Variants in SELENOV observed in about 807,000 individuals in gnomAD.
The protein encoded by SELENOV is selenoprotein V.
In SELENOV, 25 loss-of-function variants were observed where a neutral mutation model predicts 21.6. The ratio of observed to expected loss-of-function variants is 1.16; its 90% CI spans 0.84 to 1.62. SELENOV has a LOEUF of 1.62. Among genes scored for constraint, SELENOV ranks in the 40% most tolerant of loss-of-function variants. The probability of loss-of-function intolerance (pLI) is 0.00; values close to 1 mark genes in which losing one functional copy is unlikely to be tolerated. For missense variants in SELENOV, 472 were observed against 459.0 expected (o/e 1.03, Z -0.26); for synonymous variants, 227 against 216.9 (o/e 1.05, Z -0.41).
exon 6 of SELENOV, chr19:39,520,484 T>G (rs188693696): frequency 4.3e-4 from 66 of 152,334 alleles, no homozygotes; most frequent in African/African-American, 1.4e-3. Flanking sequence ...CCAGATACAT[T>G]TTGAAAACCT....
rs771419379 is a variant in SELENOV, at chr19:39,515,207, G to A, written c.-6G>A. On this transcript the variant is annotated 5_prime_UTR_variant, in exon 1 of 6. Coordinates refer to ENST00000335426, the Ensembl canonical transcript of SELENOV. This position sits in a 1 kb window ranked among gnomAD's most constrained non-coding sequence, Gnocchi z 5.1. ...CAACCGGCTTGCCCCGGTCCCCCTG[G>A]GCCCCATGAATAACCAGGCGCGGAC... 1 of 1,535,168 alleles carries A rather than the reference G, an allele frequency of 6.5e-7. No homozygotes were observed. The highest frequency in any genetic ancestry group is 8.8e-7 in the Non-Finnish European group (1 of 1,134,214).
chr19:39,516,362 CATG>C (rs2079697113), intron 1 of SELENOV: 1 of 447,224 alleles, frequency 2.2e-6, no homozygotes, highest in Non-Finnish European at 4.3e-6. Flanking sequence ...AGACACCGCA[CATG>C]ATAGGGGCTC....
chr19:39,515,385 C>G lies in SELENOV; in HGVS notation c.173C>G (p.Ser58Cys). Residue 58 changes from serine (S) to cysteine (C), a missense_variant, in exon 1 of 6, where the codon TCC (serine) becomes TGC (cysteine). Ser to Cys is a moderately radical substitution (Grantham distance 112). Transcript: ENST00000335426. The surrounding 1 kb of genome is among the most constrained non-coding windows in gnomAD (Gnocchi z 5.1). ...CTGACTCCGTCTCCAGCCGGGACTTCCCCTCTGGTCCTGACTCCTGCTCCA... is the reference window on the plus strand; with the variant it reads ...CTGACTCCGTCTCCAGCCGGGACTTGCCCTCTGGTCCTGACTCCTGCTCCA... 6.4e-7 allele frequency: 1 copy of G among 1,551,596 alleles called. No homozygotes were observed.
At chr19:39,519,999 A>T (rs2079720631) in intron 5 of SELENOV, 147 bp from the exon 6 acceptor site, 1 of 152,084 alleles carries the variant, frequency 6.6e-6, no homozygotes, top group Admixed American at 6.6e-5. Flanking sequence ...AAAAGAAAAA[A>T]TAGTGAGGAA....
chr19:39,517,991 A>AAAAAAAG (rs374863818), intron 1 of SELENOV, among the ~76,000 whole-genome samples: 5 of 92,012 alleles, frequency 5.4e-5, no homozygotes, highest in Admixed American at 3.7e-4. Flanking sequence ...AAAAAAAAAA[A>AAAAAAAG]GCCCAGCGCG....
At chr19:39,517,494 G>T (rs1459609135) in intron 1 of SELENOV, among the ~76,000 whole-genome samples, 1 of 152,090 alleles carries the variant, frequency 6.6e-6, no homozygotes, top group Non-Finnish European at 1.5e-5. Flanking sequence ...TGAACAAAAG[G>T]CATTTTGGGG....
At position 39,518,987 on chromosome 19, in the gene SELENOV, A is replaced by G; in HGVS notation, c.963+10A>G. 6.2e-7 allele frequency: 1 copy of G among 1,613,634 alleles called. No homozygotes were observed. The highest frequency in any genetic ancestry group is 1.1e-5 in the South Asian group (1 of 91,068). The stretch of plus-strand genomic sequence containing the variant: ...GGTCCATTCCAAGAAGGTGATCCTG[A>G]GTAAAGGTCCGGGACAGGGAGGTGG... On this transcript the variant is annotated intron_variant, in intron 4 of 5. Coordinates refer to ENST00000335426, the Ensembl canonical transcript of SELENOV.
rs781713639 is a variant in SELENOV at position 39,515,854 on chromosome 19, C to T, written c.642C>T (p.Asp214=). Residue 214 remains aspartate (D), a synonymous_variant, in exon 1 of 6, where the codon GAC becomes GAT. Coordinates refer to ENST00000335426, the Ensembl canonical transcript of SELENOV. This position sits in a 1 kb window ranked among gnomAD's most constrained non-coding sequence, Gnocchi z 5.1. ...CCCTGGACTTCACCTTCAGGGCAGA[C>T]CCGTCGGCCATCGGGCTGGCGGATC... is the stretch of plus-strand genomic sequence containing the variant. 3.2e-6 allele frequency: 5 copies of T among 1,552,920 alleles called. No individual in the cohort carries two copies. The highest frequency in any genetic ancestry group is 1.7e-6 in the Non-Finnish European group (2 of 1,148,208).
chr19:39,518,637 G>C lies in SELENOV; in HGVS notation c.834+5G>C, dbSNP rs749275774. The C allele has an allele frequency of 6.2e-7, 1 of 1,609,872 alleles. No individual in the cohort carries two copies. The highest frequency in any genetic ancestry group is 1.7e-5 in the Admixed American group (1 of 59,250). On this transcript the variant is annotated splice_donor_5th_base_variant and intron_variant, in intron 2 of 5. Transcript: ENST00000335426. Reference sequence around the variant, plus strand: ...CTCTGAAGCTATAGCCTTCGGGTGAGTAGTTTTGGCTTTGGAGGTAGGGGG... The same window carrying C: ...CTCTGAAGCTATAGCCTTCGGGTGACTAGTTTTGGCTTTGGAGGTAGGGGG...
Position 39,515,714 on chromosome 19 carries a change from G to A in SELENOV, c.502G>A (p.Asp168Asn). Reference sequence around the variant, plus strand: ...GGAGCTGCCTTTGTTGCCCGAGGAGGACCCTGAGCCGGCGCCGAGCCTGAA... The same window carrying A: ...GGAGCTGCCTTTGTTGCCCGAGGAGAACCCTGAGCCGGCGCCGAGCCTGAA... Residue 168 changes from aspartate to asparagine, a missense_variant, in exon 1 of 6, where the codon GAC becomes AAC. Transcript: ENST00000335426. The surrounding 1 kb of genome is among the most constrained non-coding windows in gnomAD (Gnocchi z 5.1). The A allele has an allele frequency of 6.5e-7, 1 of 1,549,408 alleles. No individual in the cohort carries two copies.
chr19:39,515,515 T>G lies in SELENOV; in HGVS notation c.303T>G (p.Val101=). The change falls in exon 1 of 6, where the codon GTT becomes GTG. Residue 101 remains valine (V), a synonymous_variant. Transcript: ENST00000335426. The surrounding 1 kb of genome is among the most constrained non-coding windows in gnomAD (Gnocchi z 5.1). ...TCCCTACTCCGGTGCCGACTCCCGTTCCCGTCCGGAACCCAACTCCGGTCC... is the reference window on the plus strand; with the variant it reads ...TCCCTACTCCGGTGCCGACTCCCGTGCCCGTCCGGAACCCAACTCCGGTCC... 6.5e-7 allele frequency: 1 copy of G among 1,550,232 alleles called. No individual in the cohort carries two copies. The highest frequency in any genetic ancestry group is 8.7e-7 in the Non-Finnish European group (1 of 1,146,754).
At chr19:39,518,746 C>G (rs1281466904) in exon 3 of SELENOV, 12 of 1,613,506 alleles carry the variant, frequency 7.4e-6, no homozygotes, top group Non-Finnish European at 8.5e-6. Context: ...TCAGTACATT[C>G]TACTGAAAAA....
Position 39,518,637 on chromosome 19 carries a change from G to A in SELENOV, c.834+5G>A. 6.2e-7 allele frequency: 1 copy of A among 1,609,990 alleles called. No homozygotes were observed. The highest frequency in any genetic ancestry group is 8.5e-7 in the Non-Finnish European group (1 of 1,177,916). The stretch of plus-strand genomic sequence containing the variant: ...CTCTGAAGCTATAGCCTTCGGGTGA[G>A]TAGTTTTGGCTTTGGAGGTAGGGGG... On this transcript the variant is annotated splice_donor_5th_base_variant and intron_variant, in intron 2 of 5. Transcript: ENST00000335426.
intron 1 of SELENOV, among the ~76,000 whole-genome samples, chr19:39,517,501 G>T (rs1182501479): frequency 2.6e-5 from 4 of 152,098 alleles, no homozygotes; most frequent in Non-Finnish European, 5.9e-5. Flanking sequence ...AAGGCATTTT[G>T]GGGGGTTGCA....
rs999575452 is a variant in SELENOV, at chr19:39,515,461, T to C, written c.249T>C (p.Arg83=). Residue 83 remains arginine (R), a synonymous_variant, in exon 1 of 6, where the codon CGT becomes CGC. Coordinates refer to ENST00000335426, the Ensembl canonical transcript of SELENOV. This position sits in a 1 kb window ranked among gnomAD's most constrained non-coding sequence, Gnocchi z 5.1. The stretch of plus-strand genomic sequence containing the variant: ...CTCCCGCTCTGGCCCGGATCCCCCG[T>C]CTGGTTCCGCCTCCTGCTCCGGCCT... 11 of 1,551,040 alleles carry C rather than the reference T, an allele frequency of 7.1e-6. 1 individual carries two copies. In the Admixed American group the frequency reaches 2.2e-4, roughly 30 times the overall value.
At chr19:39,516,157 C>T in intron 1 of SELENOV, 136 bp downstream of exon 1, 1 of 786,182 alleles carries the variant, frequency 1.3e-6, no homozygotes, top group Non-Finnish European at 2.2e-6. Flanking sequence ...AGTTCCAGTT[C>T]CCAGATTGGA....
In SELENOV at chr19:39,515,705, C is replaced by T. The variant is rs1568454536; in HGVS notation, c.493C>T (p.Pro165Ser). The T allele has an allele frequency of 4.5e-6, 7 of 1,549,284 alleles. No homozygotes were observed. The highest frequency in any genetic ancestry group is 2.4e-5 in the East Asian group (1 of 40,910). ...ACCTGCTCCGGAGCTGCCTTTGTTG[C>T]CCGAGGAGGACCCTGAGCCGGCGCC... The change falls in exon 1 of 6, where the codon CCC (proline) becomes TCC (serine). Residue 165 changes from proline (P) to serine (S), a missense_variant. Physicochemically the swap from Pro to Ser is moderately conservative, Grantham distance 74. Transcript: ENST00000335426. The surrounding 1 kb of genome is among the most constrained non-coding windows in gnomAD (Gnocchi z 5.1).
intron 1 of SELENOV, 155 bp downstream of exon 1, chr19:39,516,176 C>A: frequency 1.4e-6 from 1 of 721,152 alleles, no homozygotes; most frequent in Non-Finnish European, 2.5e-6. Flanking sequence ...GAAACCCGCT[C>A]TTGTCTCTCA....
At position 39,515,706 on chromosome 19, in the gene SELENOV, C is replaced by T; in HGVS notation, c.494C>T (p.Pro165Leu). 6.5e-7 allele frequency: 1 copy of T among 1,549,340 alleles called. No individual in the cohort carries two copies. Among genetic ancestry groups the T allele is most frequent in the South Asian group, 1.2e-5 (1 of 84,036 alleles). Reference sequence around the variant, plus strand: ...CCTGCTCCGGAGCTGCCTTTGTTGCCCGAGGAGGACCCTGAGCCGGCGCCG... The same window carrying T: ...CCTGCTCCGGAGCTGCCTTTGTTGCTCGAGGAGGACCCTGAGCCGGCGCCG... The change falls in exon 1 of 6, where the codon CCC (proline) becomes CTC (leucine). Residue 165 changes from proline to leucine, a missense_variant. By Grantham distance (98) the Pro-to-Leu change is moderately conservative (BLOSUM62 -3). Coordinates refer to ENST00000335426, the Ensembl canonical transcript of SELENOV. This position sits in a 1 kb window ranked among gnomAD's most constrained non-coding sequence, Gnocchi z 5.1.
Sources: allele counts gnomAD v4.1 joint callset (sites outside exome capture counted in the v4.1 genomes callset), GRCh38; gene constraint gnomAD v4.1.1; non-coding constraint Gnocchi (gnomAD v3.1); transcripts MANE v1.5; gene names NCBI Gene and HGNC (gene_info 2026-07-23, HGNC 2026-07-21).